The following PPFIA2 variants were observed in gnomAD, a reference collection of about 807,000 sequenced individuals.
PPFIA2 encodes PPFI scaffold protein A2.
In PPFIA2, 46 loss-of-function variants were observed where a neutral mutation model predicts 175.5. That is an observed-to-expected ratio of 0.26 (90% confidence interval 0.21 to 0.34). The LOEUF is 0.34. Ranked by LOEUF, PPFIA2 falls within the 10% of genes least tolerant of loss-of-function variation. The pLI, the probability that PPFIA2 is intolerant of heterozygous loss-of-function variation, is 1.00. For missense variants in PPFIA2, 1,179 were observed against 1,506.1 expected (o/e 0.78, Z 3.60); for synonymous variants, 568 against 511.4 (o/e 1.11, Z -1.49).
intron 4 of PPFIA2, among the ~76,000 whole-genome samples, chr12:81,583,867 TGGCCAGCCATAAACC>T (rs1224641426): frequency 2.6e-5 from 4 of 151,910 alleles, no homozygotes; most frequent in African/African-American, 9.7e-5. Context: ...CATGGCCCAT[TGGCCAGCCATAAACC>T]ATGGCTGGTA....
intron 4 of PPFIA2, among the ~76,000 whole-genome samples, chr12:81,609,051 C>G (rs904249383): frequency 2.6e-5 from 4 of 151,760 alleles, no homozygotes; most frequent in African/African-American, 9.7e-5. Flanking sequence ...AGGGATTATT[C>G]AGGAGTAAAT....
intron 8 of PPFIA2, among the ~76,000 whole-genome samples, chr12:81,404,162 T>C (rs571796721): frequency 2.0e-5 from 3 of 152,026 alleles, no homozygotes; most frequent in Non-Finnish European, 4.4e-5. Context: ...GCCCTCCTCC[T>C]CCATAAGAAG....
chr12:81,512,244 A>G (rs377051232), intron 4 of PPFIA2: 15 of 1,164,348 alleles, frequency 1.3e-5, no homozygotes, highest in African/African-American at 6.3e-5. Flanking sequence ...TAATGCCTTC[A>G]TTACAAAATC....
At chr12:81,735,882 G>T (rs1182674135) in intron 3 of PPFIA2, among the ~76,000 whole-genome samples, 1 of 151,818 alleles carries the variant, frequency 6.6e-6, no homozygotes, top group Non-Finnish European at 1.5e-5. Flanking sequence ...AAAATCAATT[G>T]ACCATAAATC....
chr12:81,483,858 A>G (rs892543950), intron 4 of PPFIA2, among the ~76,000 whole-genome samples: 1 of 152,114 alleles, frequency 6.6e-6, no homozygotes, highest in African/African-American at 2.4e-5. Flanking sequence ...TTGGGAACTT[A>G]TAACATTATA....
chr12:81,408,837 T>C (rs1449333650), intron 7 of PPFIA2, among the ~76,000 whole-genome samples: 2 of 152,228 alleles, frequency 1.3e-5, no homozygotes, highest in African/African-American at 2.4e-5. Flanking sequence ...TATTCTATAT[T>C]CTCTACCACT....
intron 8 of PPFIA2, among the ~76,000 whole-genome samples, chr12:81,402,723 TCACGCC>T (rs2042286714): frequency 6.6e-6 from 1 of 152,076 alleles, no homozygotes; most frequent in African/African-American, 2.4e-5. Context: ...GCAGGGTGGC[TCACGCC>T]AGTAATGTTA....
intron 4 of PPFIA2, among the ~76,000 whole-genome samples, chr12:81,471,997 T>A (rs939096558): frequency 6.6e-6 from 1 of 152,150 alleles, no homozygotes; most frequent in East Asian, 1.9e-4. Flanking sequence ...TTTAAACAAA[T>A]ACACACAAGG....
At chr12:81,699,762 C>A (rs912879481) in intron 3 of PPFIA2, among the ~76,000 whole-genome samples, 3 of 151,918 alleles carry the variant, frequency 2.0e-5, no homozygotes, top group Non-Finnish European at 2.9e-5. Flanking sequence ...CATGTCTTAA[C>A]CCTGAATCAT....
chr12:81,595,481 A>G (rs901477674), intron 4 of PPFIA2, among the ~76,000 whole-genome samples: 2 of 152,116 alleles, frequency 1.3e-5, no homozygotes, highest in African/African-American at 4.8e-5. Flanking sequence ...GTGCAAATTG[A>G]GTGCTGGCAT....
At chr12:81,490,895 T>C (rs2059355020) in intron 4 of PPFIA2, among the ~76,000 whole-genome samples, 1 of 151,994 alleles carries the variant, frequency 6.6e-6, no homozygotes, top group Non-Finnish European at 1.5e-5. Flanking sequence ...GCAAATGACA[T>C]CCTAATTTGT....
chr12:81,564,568 T>C (rs2070895011), intron 4 of PPFIA2, among the ~76,000 whole-genome samples: 1 of 152,174 alleles, frequency 6.6e-6, no homozygotes, highest in Non-Finnish European at 1.5e-5. Flanking sequence ...CTACTTCCAA[T>C]AGTATGTAGA....
At position 81,676,771 on chromosome 12, in the gene PPFIA2, T is replaced by C. The variant is rs1358362450; in HGVS notation, c.303+20A>G. Reference sequence around the variant, plus strand: ...AATTCAATTCATCAATAGTTAAATTTAATGAAGAATCTAACTTACCGGTGG... The same window carrying C: ...AATTCAATTCATCAATAGTTAAATTCAATGAAGAATCTAACTTACCGGTGG... On this transcript the variant is annotated intron_variant, in intron 4 of 32. Transcript: ENST00000549396. 2.0e-6 allele frequency: 3 copies of C among 1,527,286 alleles called. No homozygotes were observed. In the South Asian group the frequency reaches 3.7e-5, roughly 19 times the overall value. The allele number at this position is 1,527,286 out of a possible 1,614,324, so 94.6% of individuals were successfully genotyped here. A position where few individuals can be genotyped will look rare whatever the true frequency, so the allele number is the denominator to read the frequency against.
At chr12:81,640,112 A>G (rs1344104696) in intron 4 of PPFIA2, among the ~76,000 whole-genome samples, 1 of 151,962 alleles carries the variant, frequency 6.6e-6, no homozygotes, top group African/African-American at 2.4e-5. Context: ...ATACATAAAC[A>G]TGTGTGTATA....
At chr12:81,662,486 C>T (rs1177826576) in intron 4 of PPFIA2, among the ~76,000 whole-genome samples, 2 of 152,100 alleles carry the variant, frequency 1.3e-5, no homozygotes, top group Non-Finnish European at 1.5e-5. Flanking sequence ...ATACACCCTC[C>T]CAAGACTAAA....
At chr12:81,710,687 C>T (rs1234936755) in intron 3 of PPFIA2, among the ~76,000 whole-genome samples, 1 of 152,012 alleles carries the variant, frequency 6.6e-6, no homozygotes, top group Non-Finnish European at 1.5e-5. Context: ...ATCTTATACA[C>T]ATAGAACTGA....
intron 30 of PPFIA2, among the ~76,000 whole-genome samples, chr12:81,266,099 C>G (rs1327357442): frequency 6.6e-6 from 1 of 152,140 alleles, no homozygotes; most frequent in Non-Finnish European, 1.5e-5. Context: ...ATTATCTGTC[C>G]TGCCTATTTG....
intron 4 of PPFIA2, among the ~76,000 whole-genome samples, chr12:81,563,284 A>T (rs966993243): frequency 6.6e-6 from 1 of 152,142 alleles, no homozygotes. Context: ...AACTTCAAAC[A>T]TTATACACTA....
chr12:81,532,577 T>C (rs925436363), intron 4 of PPFIA2, among the ~76,000 whole-genome samples: 9 of 151,830 alleles, frequency 5.9e-5, no homozygotes, highest in Non-Finnish European at 1.3e-4. Flanking sequence ...ATAGATAAAA[T>C]ACTATACAGT....
Sources: gnomAD v4.1 joint callset for allele counts (sites outside exome capture counted in the v4.1 genomes callset) on GRCh38, gnomAD v4.1.1 for gene constraint, MANE v1.5 for transcripts, NCBI Gene and HGNC (gene_info 2026-07-23, HGNC 2026-07-21) for gene names.